CHD7: variants seen among roughly 807,000 people sequenced by gnomAD.
CHD7 encodes chromodomain helicase DNA binding protein 7.
CHD7 carries 24 observed loss-of-function variants against 307.3 expected under a neutral mutation model. That is an observed-to-expected ratio of 0.08 (90% confidence interval 0.06 to 0.11). The LOEUF (loss-of-function observed/expected upper bound fraction) is 0.11, where lower values mean the gene tolerates loss of function less well. Among genes scored for constraint, CHD7 ranks in the 10% least tolerant of loss-of-function variants. The pLI, the probability that CHD7 is intolerant of heterozygous loss-of-function variation, is 1.00. For synonymous variants in CHD7, 1,363 were observed against 1,349.9 expected (o/e 1.01, Z -0.21); for missense variants, 3,106 against 3,727.1 (o/e 0.83, Z 4.34).
intron 19 of CHD7, among the ~76,000 whole-genome samples, 200 bp from the exon 20 acceptor site, chr8:60,841,444 A>G (rs1294265110): frequency 1.1e-4 from 16 of 152,154 alleles, no homozygotes. Context: ...ATCACTCTGC[A>G]GTGTAATTCT....
intron 32 of CHD7, among the ~76,000 whole-genome samples, 161 bp downstream of exon 32, chr8:60,854,684 C>G (rs1454552701): frequency 6.6e-6 from 1 of 151,828 alleles, no homozygotes; most frequent in Non-Finnish European, 1.5e-5. Context: ...TCTGAAAAAG[C>G]CCAAAGAAAA....
chr8:60,705,361 C>T (rs1466828283), intron 1 of CHD7, among the ~76,000 whole-genome samples: 1 of 152,160 alleles, frequency 6.6e-6, no homozygotes, highest in Non-Finnish European at 1.5e-5. Flanking sequence ...GCTTCTTTAA[C>T]CAAAGTATAA....
chr8:60,852,094 G>A lies in CHD7; in HGVS notation c.5741G>A (p.Arg1914His). The A allele has an allele frequency of 1.2e-6, 2 of 1,613,944 alleles. No homozygotes were observed. The highest frequency in any genetic ancestry group is 1.7e-6 in the Non-Finnish European group (2 of 1,179,870). ...PNTSTLTTRL[R>H]RLITAYQRSY... ...ACTTCAACCCTGACTACACGTCTGC[G>A]CCGGCTCATTACTGCCTATCAGCGC... is the stretch of plus-strand genomic sequence containing the variant. The change falls in exon 29 of 38, where the codon CGC becomes CAC. Residue 1914 changes from arginine (R) to histidine (H), a missense_variant. By Grantham distance (29) the Arg-to-His change is conservative (BLOSUM62 0). This residue lies in a region of CHD7 where 1,030 missense variants were observed against 1,165.4 expected (regional missense o/e 0.88). Transcript: ENST00000423902.
chr8:60,829,982 A>G (rs1804427673), intron 14 of CHD7, among the ~76,000 whole-genome samples: 1 of 152,200 alleles, frequency 6.6e-6, no homozygotes, highest in Non-Finnish European at 1.5e-5. Context: ...CATTGCCATG[A>G]CATTGTCTTG....
At chr8:60,682,501 A>T (rs1424582228) in intron 1 of CHD7, among the ~76,000 whole-genome samples, 2 of 152,232 alleles carry the variant, frequency 1.3e-5, no homozygotes, top group African/African-American at 2.4e-5. Flanking sequence ...GTGCCAAGTT[A>T]GTGTAGTTCT....
rs769450172 is a variant in CHD7 at position 60,849,048 on chromosome 8, C to T, written c.5301-3C>T. The T allele has an allele frequency of 1.4e-5, 22 of 1,609,352 alleles. No individual in the cohort carries two copies. The highest frequency in any genetic ancestry group is 1.7e-5 in the Non-Finnish European group (20 of 1,175,962). ...AATATTTCTTATAAATGTTGTCTTT[C>T]AGTGAAGCCGATGTGTGGATCCCTG... On this transcript the variant is annotated splice_polypyrimidine_tract_variant and splice_region_variant and intron_variant, in intron 24 of 37. Coordinates refer to ENST00000423902, the MANE Select transcript of CHD7 (RefSeq NM_017780.4).
At chr8:60,789,324 G>A (rs1338147317) in intron 3 of CHD7, among the ~76,000 whole-genome samples, 1 of 152,234 alleles carries the variant, frequency 6.6e-6, no homozygotes, top group African/African-American at 2.4e-5. Context: ...GATATAAAGT[G>A]TAAGAATATG....
Position 60,865,640 on chromosome 8 carries a change from G to C in CHD7, c.8701G>C (p.Gly2901Arg). The C allele has an allele frequency of 6.2e-7, 1 of 1,611,644 alleles. No individual in the cohort carries two copies. The highest frequency in any genetic ancestry group is 8.5e-7 in the Non-Finnish European group (1 of 1,178,154). ...NPFLLSTMAP[G>R]LFYPSMFLPP... ...TTTCCTCCTGTCCACAATGGCCCCG[G>C]GCCTCTTCTACCCATCCATGTTTCT... Residue 2901 changes from glycine to arginine, a missense_variant, in exon 38 of 38, where the codon GGC (glycine) becomes CGC (arginine). By Grantham distance (125) the Gly-to-Arg change is moderately radical. Coordinates refer to ENST00000423902, the MANE Select transcript of CHD7 (RefSeq NM_017780.4). This position sits in a 1 kb window ranked among gnomAD's most constrained non-coding sequence, Gnocchi z 4.3.
chr8:60,763,555 G>A (rs1810325483), intron 2 of CHD7, among the ~76,000 whole-genome samples: 1 of 151,994 alleles, frequency 6.6e-6, no homozygotes, highest in African/African-American at 2.4e-5. Context: ...GAAGAATTTA[G>A]GAAAACAATG....
intron 25 of CHD7, among the ~76,000 whole-genome samples, chr8:60,849,586 A>T (rs1363265613): frequency 6.6e-6 from 1 of 152,124 alleles, no homozygotes; most frequent in Non-Finnish European, 1.5e-5. Flanking sequence ...AGTGCTGAGA[A>T]CTCGCGGCTC....
rs1242372187 is a variant in CHD7 at position 60,741,740 on chromosome 8, C to T, written c.308C>T (p.Ser103Leu). The T allele has an allele frequency of 6.2e-6, 10 of 1,613,872 alleles. No individual in the cohort carries two copies. Among genetic ancestry groups the T allele is most frequent in the South Asian group, 1.1e-5 (1 of 91,062 alleles). ...GGGAACGGACTCGCGTCTCCGCACT[C>T]GCAGTATCACACCCCTCCCGTTCCT... Reference protein sequence around the residue: ...TPGNGLASPHSQYHTPPVPQV... With the variant: ...TPGNGLASPHLQYHTPPVPQV... The change falls in exon 2 of 38, where the codon TCG becomes TTG. Residue 103 changes from serine (S) to leucine (L), a missense_variant. Transcript: ENST00000423902.
At chr8:60,751,741 C>A (rs1809651385) in intron 2 of CHD7, among the ~76,000 whole-genome samples, 1 of 152,094 alleles carries the variant, frequency 6.6e-6, no homozygotes, top group Non-Finnish European at 1.5e-5. Context: ...TGGAGGAGAA[C>A]CTTCGAGGGC....
rs147408922 is a variant in CHD7 at position 60,846,243 on chromosome 8, G to A, written c.5210+834G>A. 3.4e-3 allele frequency among the ~76,000 whole-genome samples: 521 copies of A among 152,282 alleles called. 4 individuals carry two copies. Among genetic ancestry groups the A allele is most frequent in the Middle Eastern group, 0.01 (3 of 294 alleles). Reference sequence around the variant, plus strand: ...TATGATCCCACTTTCAACTAACTGCGTACAGTGGAGGGAAGACTGGGGAGT... The same window carrying A: ...TATGATCCCACTTTCAACTAACTGCATACAGTGGAGGGAAGACTGGGGAGT... On this transcript the variant is annotated intron_variant, in intron 23 of 37. Coordinates refer to ENST00000423902, the MANE Select transcript of CHD7 (RefSeq NM_017780.4).
chr8:60,792,109 C>T (rs536724161), intron 3 of CHD7, among the ~76,000 whole-genome samples: 53 of 152,216 alleles, frequency 3.5e-4, no homozygotes, highest in African/African-American at 1.2e-3. Context: ...GAGGCTCAGA[C>T]AAATTAAGTA....
At chr8:60,682,018 C>G (rs1294490974) in intron 1 of CHD7, among the ~76,000 whole-genome samples, 9 of 151,920 alleles carry the variant, frequency 5.9e-5, no homozygotes, top group Admixed American at 5.9e-4. Flanking sequence ...ATGGAAGGCA[C>G]AATACAGGAA....
At chr8:60,719,760 T>C (rs1807805720) in intron 1 of CHD7, among the ~76,000 whole-genome samples, 1 of 152,076 alleles carries the variant, frequency 6.6e-6, no homozygotes, top group South Asian at 2.1e-4. Flanking sequence ...GATGAGAAAA[T>C]CCGGCAACCA....
At chr8:60,737,773 G>A (rs1169342145) in intron 1 of CHD7, among the ~76,000 whole-genome samples, 3 of 152,212 alleles carry the variant, frequency 2.0e-5, no homozygotes, top group Non-Finnish European at 4.4e-5. Flanking sequence ...CTCATCAGAA[G>A]TTACCGAGGA....
intron 2 of CHD7, among the ~76,000 whole-genome samples, chr8:60,743,999 A>C (rs1483722558): frequency 6.6e-6 from 1 of 152,238 alleles, no homozygotes; most frequent in Admixed American, 6.5e-5. Flanking sequence ...ATTTTGGGGA[A>C]ATAAGACTTG....
rs370385473 is a variant in CHD7 at position 60,697,424 on chromosome 8, A to G, written c.-175+18342A>G. Among the ~76,000 whole-genome samples the G allele has an allele frequency of 1.5e-3, 235 of 152,348 alleles. 4 individuals carry two copies. The highest frequency in any genetic ancestry group is 5.3e-3 in the African/African-American group (221 of 41,582). ...CTTTAATTTACCCTCAAACATTATT[A>G]TATCTTCTATAGCAAACAGAGGAGG... On this transcript the variant is annotated intron_variant, in intron 1 of 37. Coordinates refer to ENST00000423902, the MANE Select transcript of CHD7 (RefSeq NM_017780.4).
Sources: allele counts gnomAD v4.1 joint callset (sites outside exome capture counted in the v4.1 genomes callset), GRCh38; gene constraint gnomAD v4.1.1; regional missense constraint gnomAD v4.1.1; non-coding constraint Gnocchi (gnomAD v3.1); transcripts MANE v1.5; gene names NCBI Gene and HGNC (gene_info 2026-07-23, HGNC 2026-07-21).